PBK: variants seen among roughly 807,000 people sequenced by gnomAD.
PBK encodes PDZ binding kinase.
PBK carries 22 observed loss-of-function variants against 33.5 expected under a neutral mutation model. The ratio of observed to expected loss-of-function variants is 0.66; its 90% CI spans 0.47 to 0.94. The LOEUF (loss-of-function observed/expected upper bound fraction) is 0.94. PBK is among the 40% of genes least tolerant of loss of function. The pLI is 0.00. For synonymous variants in PBK, 129 were observed against 123.8 expected (o/e 1.04, Z -0.28); for missense variants, 376 against 383.4 (o/e 0.98, Z 0.16).
intron 6 of PBK, among the ~76,000 whole-genome samples, chr8:27,813,311 C>T (rs1805733939): frequency 6.6e-6 from 1 of 151,976 alleles, no homozygotes; most frequent in Admixed American, 6.6e-5. Flanking sequence ...CACCCTGGGG[C>T]CTGTCATGGG....
At chr8:27,815,963 A>G (rs978362896) in intron 6 of PBK, among the ~76,000 whole-genome samples, 2 of 152,206 alleles carry the variant, frequency 1.3e-5, no homozygotes, top group African/African-American at 4.8e-5. Flanking sequence ...GAAACAGTTT[A>G]TACTTTATTT....
chr8:27,811,443 A>T, intron 6 of PBK: 1 of 481,054 alleles, frequency 2.1e-6, no homozygotes, highest in Non-Finnish European at 3.8e-6. Context: ...GGGTTGGTTC[A>T]AAGACATGTG....
rs1248242231 is a variant in PBK at position 27,810,421 on chromosome 8, C to A, written c.853G>T (p.Glu285Ter). 1 of 1,604,508 alleles carries A rather than the reference C, an allele frequency of 6.2e-7. No homozygotes were observed. The highest frequency in any genetic ancestry group is 8.5e-7 in the Non-Finnish European group (1 of 1,171,434). The stretch of plus-strand genomic sequence containing the variant: ...ACTTTCTGGTATGATTCATCCAGTT[C>A]TTCCATATTAATAGGTGGCCTAGTT... ...LGTRPPINME[E>*]LDESYQKVIE... Residue 285 changes from glutamate to a stop codon, truncating the protein, a stop_gained, in exon 8 of 8, where the codon GAA becomes TAA. Transcript: ENST00000301905. LOFTEE classifies it high-confidence loss of function.
At chr8:27,820,779 A>G in intron 5 of PBK, 85 bp from the exon 6 acceptor site, 1 of 706,030 alleles carries the variant, frequency 1.4e-6, no homozygotes, top group Non-Finnish European at 2.3e-6. Flanking sequence ...AACAACTTGA[A>G]CTCCCTTCCT....
At chr8:27,821,811 G>A (rs1446420661) in intron 5 of PBK, among the ~76,000 whole-genome samples, 1 of 152,158 alleles carries the variant, frequency 6.6e-6, no homozygotes, top group African/African-American at 2.4e-5. Context: ...AGGGCCACAT[G>A]TACGTATAAG....
chr8:27,816,744 A>G (rs1275687939), intron 6 of PBK, among the ~76,000 whole-genome samples: 3 of 151,610 alleles, frequency 2.0e-5, no homozygotes, highest in Non-Finnish European at 2.9e-5. Context: ...AGATTTGGGT[A>G]TTTTTTTTCA....
intron 1 of PBK, 149 bp from the exon 2 acceptor site, chr8:27,833,282 G>A (rs879117149): frequency 1.3e-4 from 54 of 431,360 alleles, no homozygotes; most frequent in South Asian, 1.2e-3. Flanking sequence ...ACCTGAGGTC[G>A]GTGGATCACC....
intron 6 of PBK, among the ~76,000 whole-genome samples, chr8:27,817,340 C>A (rs1585424760): frequency 6.6e-6 from 1 of 152,120 alleles, no homozygotes. Flanking sequence ...CAGCACTGCT[C>A]TAGAAAGTCT....
At chr8:27,812,774 C>T (rs1689814094) in intron 6 of PBK, 2 of 152,080 alleles carry the variant, frequency 1.3e-5, no homozygotes, top group South Asian at 2.1e-4. Flanking sequence ...AATGAGATAC[C>T]ATCTCATGCC....
intron 5 of PBK, among the ~76,000 whole-genome samples, chr8:27,820,936 G>A (rs1287573693): frequency 6.6e-6 from 1 of 151,196 alleles, no homozygotes; most frequent in African/African-American, 2.4e-5. Context: ...TGATTTTCCT[G>A]CCTCAGCCTC....
At chr8:27,818,130 A>G (rs557488198) in intron 6 of PBK, among the ~76,000 whole-genome samples, 1 of 152,308 alleles carries the variant, frequency 6.6e-6, no homozygotes, top group African/African-American at 2.4e-5. Context: ...AGGGAGAATG[A>G]CACAGAACAA....
At position 27,822,400 on chromosome 8, in the gene PBK, T is replaced by G; in HGVS notation, c.384A>C (p.Glu128Asp). Residue 128 changes from glutamate to aspartate, a missense_variant, in exon 5 of 8, where the codon GAA becomes GAC. Transcript: ENST00000301905. ...GATCTTGGCTGGCTTTATATCGTTCTTCTATTAAGTCATTTAGAGACTTTT... is the reference window on the plus strand; with the variant it reads ...GATCTTGGCTGGCTTTATATCGTTCGTCTATTAAGTCATTTAGAGACTTTT... The part of the protein sequence containing the change: ...GGEKSLNDLI[E>D]ERYKASQDPF... 4 of 1,613,274 alleles carry G rather than the reference T, an allele frequency of 2.5e-6. No homozygotes were observed. The highest frequency in any genetic ancestry group is 3.4e-6 in the Non-Finnish European group (4 of 1,179,392).
chr8:27,815,920 C>G (rs539101056), intron 6 of PBK, among the ~76,000 whole-genome samples: 97 of 152,256 alleles, frequency 6.4e-4, no homozygotes, highest in African/African-American at 2.3e-3. Context: ...AGATCATAAA[C>G]TAATGGTTCA....
intron 4 of PBK, 122 bp from the exon 5 acceptor site, chr8:27,822,610 G>A: frequency 1.7e-6 from 1 of 601,260 alleles, no homozygotes; most frequent in Admixed American, 3.7e-5. Context: ...CAATGAAACA[G>A]CTACTATTTA....
intron 6 of PBK, among the ~76,000 whole-genome samples, chr8:27,813,455 C>T (rs1409960716): frequency 6.6e-6 from 1 of 152,048 alleles, no homozygotes; most frequent in Non-Finnish European, 1.5e-5. Context: ...AGAACTTAAA[C>T]AATTTTGTTA....
At chr8:27,825,348 G>A (rs1485972613) in intron 3 of PBK, among the ~76,000 whole-genome samples, 4 of 152,150 alleles carry the variant, frequency 2.6e-5, no homozygotes. Flanking sequence ...TGAGGCAGGA[G>A]GATTGCTCAA....
At chr8:27,828,602 G>GA (rs74595546) in intron 2 of PBK, among the ~76,000 whole-genome samples, 23,793 of 151,556 alleles carry the variant, frequency 0.16, 2,383 homozygotes, top group East Asian at 0.36. Context: ...CTCTACACAC[G>GA]AAAAAATTTT....
chr8:27,828,422 T>A (rs529896371), intron 2 of PBK, among the ~76,000 whole-genome samples: 4 of 152,298 alleles, frequency 2.6e-5, no homozygotes, highest in South Asian at 2.1e-4. Flanking sequence ...GGCCTGTTTT[T>A]GTATGGCCTA....
intron 1 of PBK, among the ~76,000 whole-genome samples, chr8:27,836,295 G>A (rs1197745048): frequency 6.6e-6 from 1 of 152,060 alleles, no homozygotes; most frequent in Non-Finnish European, 1.5e-5. Context: ...GGAGGCTGAG[G>A]GTAGGGACTG....
Sources: allele counts gnomAD v4.1 joint callset (sites outside exome capture counted in the v4.1 genomes callset), GRCh38; gene constraint gnomAD v4.1.1; transcripts MANE v1.5; gene names NCBI Gene and HGNC (gene_info 2026-07-23, HGNC 2026-07-21).